The following ADAD1 variants were observed in gnomAD, a reference collection of about 807,000 sequenced individuals.
ADAD1 encodes adenosine deaminase domain-containing protein 1.
Under a neutral mutation model 66.8 loss-of-function variants are expected in ADAD1, and 46 were observed. That is an observed-to-expected ratio of 0.69 (90% CI 0.54 to 0.88). The LOEUF (loss-of-function observed/expected upper bound fraction) is 0.88, where lower values mean the gene tolerates loss of function less well. ADAD1 is among the 40% of genes least tolerant of loss of function. ADAD1 has a pLI of 0.00. For synonymous variants in ADAD1, 248 were observed against 229.4 expected, an observed-to-expected ratio of 1.08 and a Z score of -0.73; for missense variants, 617 against 681.8, an observed-to-expected ratio of 0.91 and a Z score of 1.06.
chr4:122,403,812 G>C (rs1796084141), intron 7 of ADAD1, among the ~76,000 whole-genome samples: 4 of 152,162 alleles, frequency 2.6e-5, no homozygotes, highest in Non-Finnish European at 5.9e-5. Flanking sequence ...ATAGAAGCAG[G>C]GTTAGGTGGG....
intron 7 of ADAD1, among the ~76,000 whole-genome samples, chr4:122,405,892 T>A (rs2150571591): frequency 6.6e-6 from 1 of 152,320 alleles, no homozygotes; most frequent in East Asian, 1.9e-4. Flanking sequence ...TCATTCATAT[T>A]GTTGAAAATG....
At chr4:122,384,948 T>A (rs1011476471) in intron 5 of ADAD1, among the ~76,000 whole-genome samples, 1 of 152,180 alleles carries the variant, frequency 6.6e-6, no homozygotes, top group Non-Finnish European at 1.5e-5. Context: ...CAACTAAAAG[T>A]TCTTTAACGA....
chr4:122,385,572 C>A lies in ADAD1; in HGVS notation c.529+1606C>A, dbSNP rs148421287. ...ATAGGCATGAGCCACTGCACCTGGA[C>A]TGATGTAGTTTGTTTGTTTTTTTAA... On this transcript the variant is annotated intron_variant, in intron 5 of 12. Transcript: ENST00000296513. Among the ~76,000 whole-genome samples the A allele has an allele frequency of 2.3e-3, 344 of 152,310 alleles. 2 individuals are homozygous for A. The highest frequency in any genetic ancestry group is 7.9e-3 in the African/African-American group (329 of 41,558).
intron 5 of ADAD1, among the ~76,000 whole-genome samples, chr4:122,387,461 A>G (rs952392505): frequency 4.6e-5 from 7 of 152,174 alleles, no homozygotes. Context: ...GGTTTTCTAA[A>G]TACAAAATCA....
intron 7 of ADAD1, 41 bp downstream of exon 7, chr4:122,396,418 C>A: frequency 1.4e-6 from 2 of 1,479,304 alleles, no homozygotes; most frequent in Non-Finnish European, 9.1e-7. Flanking sequence ...TTGTAATAAT[C>A]TAATAGTAAT....
intron 12 of ADAD1, among the ~76,000 whole-genome samples, chr4:122,426,137 A>G (rs972738686): frequency 6.6e-6 from 1 of 152,112 alleles, no homozygotes; most frequent in African/African-American, 2.4e-5. Context: ...AGATAACACA[A>G]ATTATCAAAA....
In ADAD1 at chr4:122,429,588, G is replaced by T. The variant is rs368225447; in HGVS notation, c.1618-38G>T. The T allele has an allele frequency of 4.6e-5, 63 of 1,366,572 alleles. No individual in the cohort carries two copies. The African/African-American group carries it at 8.0e-4, about 17-fold the overall frequency. The allele number at this position is 1,366,572 out of a possible 1,614,324, so 84.7% of individuals were successfully genotyped here. A position where few individuals can be genotyped will look rare whatever the true frequency, so the allele number is the denominator to read the frequency against. Reference sequence around the variant, plus strand: ...GGCTACTTTTCAGCAATCAAATGCTGCCTATTTTCTATAATTCATTTTTTC... The same window carrying T: ...GGCTACTTTTCAGCAATCAAATGCTTCCTATTTTCTATAATTCATTTTTTC... On this transcript the variant is annotated intron_variant, in intron 12 of 12. Transcript: ENST00000296513.
intron 5 of ADAD1, among the ~76,000 whole-genome samples, chr4:122,393,062 A>T: frequency 7.9e-6 from 1 of 126,110 alleles, no homozygotes; most frequent in African/African-American, 3.0e-5. Flanking sequence ...TTTGTCCCTC[A>T]GGTTTAGTGG....
chr4:122,387,177 A>G (rs1371882564), intron 5 of ADAD1, among the ~76,000 whole-genome samples: 1 of 152,132 alleles, frequency 6.6e-6, no homozygotes, highest in African/African-American at 2.4e-5. Context: ...TGAGGATGGA[A>G]TGTTTTTCCA....
intron 7 of ADAD1, among the ~76,000 whole-genome samples, chr4:122,407,668 T>C (rs1203605257): frequency 3.3e-5 from 5 of 152,164 alleles, no homozygotes; most frequent in African/African-American, 1.2e-4. Context: ...ATGGTAAAGA[T>C]TTAGATGAAG....
chr4:122,386,625 A>G (rs1204396818), intron 5 of ADAD1, among the ~76,000 whole-genome samples: 3 of 152,068 alleles, frequency 2.0e-5, no homozygotes, highest in Non-Finnish European at 4.4e-5. Flanking sequence ...CTGTGTCCTG[A>G]ATGGTATTGC....
At chr4:122,381,925 A>G (rs1259679469) in intron 4 of ADAD1, among the ~76,000 whole-genome samples, 2 of 152,190 alleles carry the variant, frequency 1.3e-5, no homozygotes, top group Non-Finnish European at 2.9e-5. Flanking sequence ...ACTTGCCAAT[A>G]TGGATCTCAA....
intron 4 of ADAD1, among the ~76,000 whole-genome samples, chr4:122,382,892 T>C (rs1041217977): frequency 6.6e-6 from 1 of 152,192 alleles, no homozygotes; most frequent in African/African-American, 2.4e-5. Context: ...CAGGAGTTGC[T>C]TGTAAAACCT....
chr4:122,404,724 A>G (rs1796130828), intron 7 of ADAD1, among the ~76,000 whole-genome samples: 1 of 152,084 alleles, frequency 6.6e-6, no homozygotes, highest in South Asian at 2.1e-4. Context: ...TTCCCCCATC[A>G]AAAATCACCT....
At chr4:122,414,297 GTCATTATT>G (rs1260154369) in intron 10 of ADAD1, among the ~76,000 whole-genome samples, 10 of 119,230 alleles carry the variant, frequency 8.4e-5, no homozygotes, top group Non-Finnish European at 1.5e-4. Flanking sequence ...TACAACTACT[GTCATTATT>G]TCATTGCAGA....
rs763034559 is a variant in ADAD1 at position 122,381,145 on chromosome 4, G to A, written c.326G>A (p.Arg109Gln). The A allele has an allele frequency of 5.7e-6, 9 of 1,582,580 alleles. No individual in the cohort carries two copies. The highest frequency in any genetic ancestry group is 4.6e-5 in the East Asian group (2 of 43,528). Residue 109 changes from arginine to glutamine, a missense_variant, in exon 4 of 13, where the codon CGA becomes CAA. Coordinates refer to ENST00000296513, the MANE Select transcript of ADAD1 (RefSeq NM_139243.4). ...SALHQFAQMQ[R>Q]VQLDLKETVT... Reference sequence around the variant, plus strand: ...TTGCACCAGTTTGCACAAATGCAGCGAGTTCAGCTTGACCTTAAGGAAACT... The same window carrying A: ...TTGCACCAGTTTGCACAAATGCAGCAAGTTCAGCTTGACCTTAAGGAAACT...
At chr4:122,394,130 A>G (rs967442580) in intron 6 of ADAD1, among the ~76,000 whole-genome samples, 4 of 152,178 alleles carry the variant, frequency 2.6e-5, no homozygotes, top group African/African-American at 4.8e-5. Flanking sequence ...TTACTCATCT[A>G]TGAGATAGTC....
intron 8 of ADAD1, 24 bp downstream of exon 8, chr4:122,408,055 T>C (rs753987408): frequency 1.3e-6 from 2 of 1,590,392 alleles, no homozygotes; most frequent in South Asian, 2.3e-5. Flanking sequence ...TATATTAATG[T>C]TATTAAATAT....
chr4:122,393,828 AAG>A (rs1322867924), intron 6 of ADAD1, among the ~76,000 whole-genome samples, 171 bp downstream of exon 6: 3 of 152,178 alleles, frequency 2.0e-5, no homozygotes, highest in Non-Finnish European at 4.4e-5. Context: ...CTAAAAATGA[AAG>A]AAACAAGGAA....
Sources: allele counts gnomAD v4.1 joint callset (sites outside exome capture counted in the v4.1 genomes callset), GRCh38; gene constraint gnomAD v4.1.1; transcripts MANE v1.5; gene names NCBI Gene and HGNC (gene_info 2026-07-23, HGNC 2026-07-21).